The following SAMD4B variants were observed in gnomAD, a reference collection of about 807,000 sequenced individuals.
The protein encoded by SAMD4B is protein Smaug homolog 2.
SAMD4B carries 5 observed loss-of-function variants against 74.5 expected under a neutral mutation model. That is an observed-to-expected ratio of 0.07 (90% CI 0.04 to 0.14). The LOEUF (loss-of-function observed/expected upper bound fraction) is 0.14. SAMD4B is among the 10% of genes least tolerant of loss of function. The pLI is 1.00. For missense variants in SAMD4B, 608 were observed against 921.8 expected (o/e 0.66, Z 4.41); for synonymous variants, 373 against 374.9 (o/e 1.00, Z 0.06).
chr19:39,376,868 C>A, intron 7 of SAMD4B, 77 bp downstream of exon 7: 1 of 1,231,252 alleles, frequency 8.1e-7, no homozygotes, highest in Non-Finnish European at 1.2e-6. Flanking sequence ...CCTGAGTTGG[C>A]CTCCAGACTC....
Position 39,369,927 on chromosome 19 carries a change from G to A in SAMD4B, c.469G>A (p.Gly157Ser). Reference sequence around the variant, plus strand: ...CCACCTGGAAGAGCGGTTGGCTAGTGGCTTCCGCTCCCGGCCAGAGCCCTC... The same window carrying A: ...CCACCTGGAAGAGCGGTTGGCTAGTAGCTTCCGCTCCCGGCCAGAGCCCTC... ...LSHLEERLAS[G>S]FRSRPEPSYH... is the part of the protein sequence containing the mutation. The change falls in exon 4 of 14, where the codon GGC (glycine) becomes AGC (serine). Residue 157 changes from glycine to serine, a missense_variant. Physicochemically the swap from Gly to Ser is moderately conservative, Grantham distance 56. This residue lies in a region of SAMD4B where 153 missense variants were observed against 153.0 expected (regional missense o/e 1.00). Transcript: ENST00000610417. 6.2e-7 allele frequency: 1 copy of A among 1,614,132 alleles called. No homozygotes were observed. Among genetic ancestry groups the A allele is most frequent in the Non-Finnish European group, 8.5e-7 (1 of 1,180,024 alleles).
downstream of SAMD4B, chr19:39,386,454 T>TC (rs769710191): frequency 1.8e-5 from 29 of 1,613,916 alleles, no homozygotes; most frequent in African/African-American, 2.7e-4. This position sits in a 1 kb window ranked among gnomAD's most constrained non-coding sequence, Gnocchi z 6.1. Flanking sequence ...CTCCCAGGGC[T>TC]CCCAGAGTCT....
intron 2 of SAMD4B, among the ~76,000 whole-genome samples, chr19:39,355,442 G>A (rs965635164): frequency 2.6e-5 from 4 of 152,164 alleles, no homozygotes; most frequent in East Asian, 1.9e-4. Flanking sequence ...GCAAGCGCAC[G>A]GAAGTTCAGA....
rs772943162 is a variant in SAMD4B at position 39,354,450 on chromosome 19, C to A, written c.-206+384C>A. 6.6e-5 allele frequency among the ~76,000 whole-genome samples: 10 copies of A among 152,284 alleles called. No homozygotes were observed. In the East Asian group the frequency reaches 7.7e-4, roughly 12 times the overall value. Reference sequence around the variant, plus strand: ...AGCTGTTCCTTCTATCTTCTTCCCCCCTAGGGCTATAGAAATCCCAAGTGT... The same window carrying A: ...AGCTGTTCCTTCTATCTTCTTCCCCACTAGGGCTATAGAAATCCCAAGTGT... On this transcript the variant is annotated intron_variant, in intron 2 of 13. Coordinates refer to ENST00000610417, the MANE Select transcript of SAMD4B (RefSeq NM_001384574.2).
chr19:39,384,099 TCA>T lies in SAMD4B; in HGVS notation c.*574_*575del, dbSNP rs2078164297. 7.0e-6 allele frequency: 2 copies of T among 284,512 alleles called. No homozygotes were observed. Among genetic ancestry groups the T allele is most frequent in the Non-Finnish European group, 1.3e-5 (2 of 150,732 alleles). 17.6% of individuals were successfully genotyped at this position (284,512 alleles called of 1,614,324 possible). ...AGGACAGGAGCCACCTTCCTCTCTCTCACCTCCCCTGGCCCTGTTCACCAGAG... is the reference window on the plus strand; with the variant it reads ...AGGACAGGAGCCACCTTCCTCTCTCTCCTCCCCTGGCCCTGTTCACCAGAG... On this transcript the variant is annotated 3_prime_UTR_variant, in exon 14 of 14. Coordinates refer to ENST00000610417, the MANE Select transcript of SAMD4B (RefSeq NM_001384574.2).
chr19:39,343,461 C>T (rs2145126277), intron 1 of SAMD4B, among the ~76,000 whole-genome samples: 1 of 151,404 alleles, frequency 6.6e-6, no homozygotes, highest in East Asian at 1.9e-4. Context: ...ACCTAGAAGA[C>T]TCCATCCCCC....
chr19:39,349,331 A>G (rs2075885731), intron 1 of SAMD4B, among the ~76,000 whole-genome samples: 1 of 152,166 alleles, frequency 6.6e-6, no homozygotes, highest in Non-Finnish European at 1.5e-5. Context: ...GAAGCAGAGA[A>G]TAAACTTTTC....
intron 12 of SAMD4B, among the ~76,000 whole-genome samples, chr19:39,382,993 C>G (rs980135954): frequency 1.3e-5 from 2 of 152,130 alleles, no homozygotes; most frequent in African/African-American, 4.8e-5. Flanking sequence ...GCAAGTCGGG[C>G]TTTTTCTGTA....
chr19:39,378,504 T>C lies in SAMD4B; in HGVS notation c.1445T>C (p.Val482Ala). 1 of 1,613,886 alleles carries C rather than the reference T, an allele frequency of 6.2e-7. No individual in the cohort carries two copies. The highest frequency in any genetic ancestry group is 8.5e-7 in the Non-Finnish European group (1 of 1,179,892). ...PSQFTRVMGK[V>A]CTQLLVSRPD... ...CCTGCCCTTTCTCATGTCCCCCCAG[T>C]GTGCACCCAACTGCTGGTGTCCCGA... is the stretch of plus-strand genomic sequence containing the variant. Residue 482 changes from valine to alanine, a missense_variant and splice_region_variant, in exon 9 of 14, where the codon GTG (valine) becomes GCG (alanine). Val to Ala is a moderately conservative substitution (Grantham distance 64). Coordinates refer to ENST00000610417, the MANE Select transcript of SAMD4B (RefSeq NM_001384574.2). This position sits in a 1 kb window ranked among gnomAD's most constrained non-coding sequence, Gnocchi z 4.4.
chr19:39,358,849 G>A (rs2076486626), intron 3 of SAMD4B, among the ~76,000 whole-genome samples: 2 of 152,266 alleles, frequency 1.3e-5, no homozygotes, highest in East Asian at 3.9e-4. Context: ...TTGGGTTTTG[G>A]GGAGCCACAC....
At chr19:39,358,291 G>A (rs1025516990) in intron 3 of SAMD4B, among the ~76,000 whole-genome samples, 1 of 152,180 alleles carries the variant, frequency 6.6e-6, no homozygotes, top group African/African-American at 2.4e-5. Flanking sequence ...AACAAAAAAA[G>A]CAGTGTTCTT....
At chr19:39,362,156 C>T (rs762045370) in intron 3 of SAMD4B, among the ~76,000 whole-genome samples, 38 of 152,162 alleles carry the variant, frequency 2.5e-4, no homozygotes, top group Non-Finnish European at 4.4e-4. Flanking sequence ...ACAGAGCTGA[C>T]CTAGGTGAAT....
At position 39,378,436 on chromosome 19, in the gene SAMD4B, C is replaced by A. The variant is rs887161557; in HGVS notation, c.1445-68C>A. The A allele has an allele frequency of 5.6e-6, 8 of 1,418,048 alleles. No individual in the cohort carries two copies. The African/African-American group carries it at 1.1e-4, about 20-fold the overall frequency. The allele number at this position is 1,418,048 out of a possible 1,614,324, so 87.8% of individuals were successfully genotyped here. A position where few individuals can be genotyped will look rare whatever the true frequency, so the allele number is the denominator to read the frequency against. ...CTGTTCCTTCTTGTGCACGAGCCAG[C>A]TGGAGGCTGGAACATGGCAGAGGGC... On this transcript the variant is annotated intron_variant, in intron 8 of 13. Transcript: ENST00000610417. This position sits in a 1 kb window ranked among gnomAD's most constrained non-coding sequence, Gnocchi z 4.4.
Position 39,370,096 on chromosome 19 carries a change from T to A in SAMD4B, c.638T>A (p.Ile213Asn). 2 of 1,601,568 alleles carry A rather than the reference T, an allele frequency of 1.2e-6. No individual in the cohort carries two copies. The highest frequency in any genetic ancestry group is 1.7e-6 in the Non-Finnish European group (2 of 1,174,096). The change falls in exon 4 of 14, where the codon ATC (isoleucine) becomes AAC (asparagine). Residue 213 changes from isoleucine to asparagine, a missense_variant. Ile to Asn is a moderately radical substitution (Grantham distance 149). Transcript: ENST00000610417. The stretch of plus-strand genomic sequence containing the variant: ...CCATCCAGCTCAGTGCCGCCAGCCA[T>A]CAACAGTATTGGGAGCAATGCAAAC... ...FHPSSSVPPA[I>N]NSIGSNANTG...
intron 1 of SAMD4B, among the ~76,000 whole-genome samples, chr19:39,353,669 T>G (rs1252293278): frequency 6.6e-6 from 1 of 152,184 alleles, no homozygotes; most frequent in Non-Finnish European, 1.5e-5. Flanking sequence ...TGGCATAATC[T>G]CGGCTCACTG....
At chr19:39,346,075 TC>T in intron 1 of SAMD4B, among the ~76,000 whole-genome samples, 1 of 152,274 alleles carries the variant, frequency 6.6e-6, no homozygotes, top group South Asian at 2.1e-4. Flanking sequence ...TGGCATTTTT[TC>T]AAGGGATTCT....
intron 3 of SAMD4B, among the ~76,000 whole-genome samples, chr19:39,368,071 G>A (rs1756862340): frequency 6.6e-6 from 1 of 152,078 alleles, no homozygotes; most frequent in South Asian, 2.1e-4. Flanking sequence ...AAAATAAGCT[G>A]GGCGTGGTGG....
At chr19:39,355,194 G>A (rs1363164405) in intron 2 of SAMD4B, among the ~76,000 whole-genome samples, 1 of 152,184 alleles carries the variant, frequency 6.6e-6, no homozygotes, top group African/African-American at 2.4e-5. Flanking sequence ...TTATTTAAGT[G>A]CAATGGGAAG....
At chr19:39,353,682 G>C (rs913663899) in intron 1 of SAMD4B, among the ~76,000 whole-genome samples, 4 of 152,100 alleles carry the variant, frequency 2.6e-5, no homozygotes, top group African/African-American at 9.6e-5. Context: ...GCTCACTGCA[G>C]CCTCCACCTC....
Sources: allele counts gnomAD v4.1 joint callset (sites outside exome capture counted in the v4.1 genomes callset), GRCh38; gene constraint gnomAD v4.1.1; regional missense constraint gnomAD v4.1.1; non-coding constraint Gnocchi (gnomAD v3.1); transcripts MANE v1.5; gene names NCBI Gene and HGNC (gene_info 2026-07-23, HGNC 2026-07-21).